Variants in ADCYAP1 observed in about 807,000 individuals in gnomAD.
ADCYAP1 encodes the protein pituitary adenylate cyclase-activating polypeptide.
In ADCYAP1, 6 loss-of-function variants were observed where a neutral mutation model predicts 18.5. That is an observed-to-expected ratio of 0.32 (90% CI 0.18 to 0.64). The LOEUF (loss-of-function observed/expected upper bound fraction) is 0.64. Among genes scored for constraint, ADCYAP1 ranks in the 30% least tolerant of loss-of-function variants. The pLI, the probability that ADCYAP1 is intolerant of heterozygous loss-of-function variation, is 0.77. For synonymous variants in ADCYAP1, 136 were observed against 113.9 expected, an observed-to-expected ratio of 1.19 and a Z score of -1.24; for missense variants, 314 against 253.6, an observed-to-expected ratio of 1.24 and a Z score of -1.62.
At chr18:909,419 C>G in intron 4 of ADCYAP1, 27 bp from the exon 5 acceptor site, 1 of 1,599,942 alleles carries the variant, frequency 6.3e-7, no homozygotes, top group Non-Finnish European at 8.5e-7. Flanking sequence ...CGCCCCGCCA[C>G]CCTCTTCCCG....
chr18:907,861 TG>T, intron 3 of ADCYAP1, 71 bp downstream of exon 3: 2 of 1,389,984 alleles, frequency 1.4e-6, no homozygotes, highest in South Asian at 3.3e-5. Context: ...AGGGGCAGTG[TG>T]GTGACCCACC....
chr18:907,675 T>C lies in ADCYAP1; in HGVS notation c.127T>C (p.Tyr43His), dbSNP rs752090490. ...FPGIRPEEEA[Y>H]GEDGNPLPDF... Reference sequence around the variant, plus strand: ...ACCCCGCAGGCCAGAGGAAGAGGCGTACGGCGAGGACGGAAACCCGCTGCC... The same window carrying C: ...ACCCCGCAGGCCAGAGGAAGAGGCGCACGGCGAGGACGGAAACCCGCTGCC... Residue 43 changes from tyrosine (Y) to histidine (H), a missense_variant, in exon 3 of 5, where the codon TAC (tyrosine) becomes CAC (histidine). Coordinates refer to ENST00000450565, the MANE Select transcript of ADCYAP1 (RefSeq NM_001099733.2). 3.2e-6 allele frequency: 5 copies of C among 1,576,896 alleles called. No individual in the cohort carries two copies. In the South Asian group the frequency reaches 3.4e-5, roughly 11 times the overall value.
chr18:905,135 G>T, intron 1 of ADCYAP1, 75 bp downstream of exon 1: 1 of 1,381,790 alleles, frequency 7.2e-7, no homozygotes, highest in South Asian at 1.5e-5. Context: ...TCGCGTCAGG[G>T]GAGTTAGCTT....
rs1335684028 is a variant in ADCYAP1 at position 909,518 on chromosome 18, G to T, written c.414G>T (p.Thr138=). ...LSKRHSDGIF[T]DSYSRYRKQM... is the part of the protein sequence containing the mutation. ...AGCGCCACTCGGACGGGATCTTCACGGACAGCTACAGCCGCTACCGGAAAC... is the reference window on the plus strand; with the variant it reads ...AGCGCCACTCGGACGGGATCTTCACTGACAGCTACAGCCGCTACCGGAAAC... The change falls in exon 5 of 5, where the codon ACG becomes ACT. Residue 138 remains threonine (T), a synonymous_variant. Coordinates refer to ENST00000450565, the MANE Select transcript of ADCYAP1 (RefSeq NM_001099733.2). 1 of 1,614,042 alleles carries T rather than the reference G, an allele frequency of 6.2e-7. No homozygotes were observed. The highest frequency in any genetic ancestry group is 1.1e-5 in the South Asian group (1 of 91,082).
rs1439804811 is a variant in ADCYAP1 at position 905,489 on chromosome 18, G to T, written c.103G>T (p.Gly35Trp). Residue 35 changes from glycine (G) to tryptophan (W), a missense_variant, in exon 2 of 5, where the codon GGG (glycine) becomes TGG (tryptophan). By Grantham distance (184) the Gly-to-Trp change is radical. Transcript: ENST00000450565. The part of the protein sequence containing the change: ...SPAAAGLRFP[G>W]IRPEEEAYGE... ...TGCCGCCGCCGGACTCCGGTTCCCC[G>T]GGATCAGGTAGGTGCTGGCTGCCTG... 1.1e-5 allele frequency: 17 copies of T among 1,606,946 alleles called. No individual in the cohort carries two copies. Among genetic ancestry groups the T allele is most frequent in the Admixed American group, 1.7e-5 (1 of 60,024 alleles).
chr18:908,029 G>A, intron 3 of ADCYAP1: 1 of 785,910 alleles, frequency 1.3e-6, no homozygotes, highest in Non-Finnish European at 1.9e-6. Context: ...GTGGCAGTGA[G>A]TGGCGTCAAG....
intron 2 of ADCYAP1, chr18:907,444 G>A: frequency 6.2e-6 from 3 of 483,568 alleles, no homozygotes; most frequent in Middle Eastern, 5.4e-4. Context: ...CCCGCGAAGG[G>A]GGGGTGGGCG....
chr18:908,392 G>T, intron 4 of ADCYAP1, 29 bp downstream of exon 4: 3 of 1,592,580 alleles, frequency 1.9e-6, no homozygotes, highest in Non-Finnish European at 2.6e-6. Flanking sequence ...ATTAACCTGC[G>T]CGCGCCGGGG....
Position 909,872 on chromosome 18 carries a change from GAATATATA to G in ADCYAP1, c.*238_*245del, listed in dbSNP as rs1221123411. ...GATATATATTATAAATATATATAAA[GAATATATA>G]TATATATATATATATATATATATAT... On this transcript the variant is annotated 3_prime_UTR_variant, in exon 5 of 5. Transcript: ENST00000450565. The G allele has an allele frequency of 1.9e-5, 1 of 53,926 alleles. No homozygotes were observed. The highest frequency in any genetic ancestry group is 3.2e-5 in the Non-Finnish European group (1 of 31,034). 3.3% of individuals were successfully genotyped at this position (53,926 alleles called of 1,614,324 possible).
chr18:909,873 AATAT>A lies in ADCYAP1; in HGVS notation c.*268_*271del, dbSNP rs35018620. 0.084 allele frequency: 11,988 copies of A among 143,158 alleles called. 510 individuals are homozygous for A. The highest frequency in any genetic ancestry group is 0.16 in the East Asian group (771 of 4,898). 8.9% of individuals were successfully genotyped at this position (143,158 alleles called of 1,614,324 possible). On this transcript the variant is annotated 3_prime_UTR_variant, in exon 5 of 5. Coordinates refer to ENST00000450565, the MANE Select transcript of ADCYAP1 (RefSeq NM_001099733.2). ...ATATATATTATAAATATATATAAAG[AATAT>A]ATATATATATATATATATATATATA...
At chr18:909,399 C>T (rs1405685730) in intron 4 of ADCYAP1, 47 bp from the exon 5 acceptor site, 2 of 1,571,898 alleles carry the variant, frequency 1.3e-6, no homozygotes, top group South Asian at 1.2e-5. Context: ...GCGATTGAAC[C>T]TGTGTCTCCC....
rs1909337156 is a variant in ADCYAP1 at position 910,137 on chromosome 18, A to AT, written c.*506dup. 6.6e-6 allele frequency: 1 copy of AT among 152,522 alleles called. No individual in the cohort carries two copies. The highest frequency in any genetic ancestry group is 2.4e-5 in the African/African-American group (1 of 41,490). The allele number at this position is 152,522 out of a possible 1,614,324, so 9.4% of individuals were successfully genotyped here. A position where few individuals can be genotyped will look rare whatever the true frequency, so the allele number is the denominator to read the frequency against. On this transcript the variant is annotated 3_prime_UTR_variant, in exon 5 of 5. Coordinates refer to ENST00000450565, the MANE Select transcript of ADCYAP1 (RefSeq NM_001099733.2). ...AACAATGATGCCCTGCTCCAGGGAG[A>AT]TTTTGAGGTAAAGATATGGAGAATT...
rs1014738024 is a variant in ADCYAP1, at chr18:911,319, A to G, written c.*1684A>G. On this transcript the variant is annotated 3_prime_UTR_variant, in exon 5 of 5. Transcript: ENST00000450565. ...GAACCTTCACCCAGCAATCAGATCG[A>G]GCAGCAACAGACAAACCAGCCAGCC... is the stretch of plus-strand genomic sequence containing the variant. 7 of 151,974 alleles carry G rather than the reference A, an allele frequency of 4.6e-5. No homozygotes were observed. The highest frequency in any genetic ancestry group is 2.1e-4 in the South Asian group (1 of 4,822). 9.4% of individuals were successfully genotyped at this position (151,974 alleles called of 1,614,324 possible). A position where few individuals can be genotyped will look rare whatever the true frequency, so the allele number is the denominator to read the frequency against.
chr18:908,049 C>A (rs1909244871), intron 3 of ADCYAP1: 3 of 702,338 alleles, frequency 4.3e-6, no homozygotes, highest in Non-Finnish European at 6.8e-6. Flanking sequence ...GGAACCCACA[C>A]TCCGCATCTG....
chr18:905,622 G>A (rs1172391795), intron 2 of ADCYAP1, 126 bp downstream of exon 2: 7 of 1,105,704 alleles, frequency 6.3e-6, no homozygotes, highest in African/African-American at 3.2e-5. Flanking sequence ...CCCCCGGTGC[G>A]CCTCCGCCAG....
At position 910,869 on chromosome 18, in the gene ADCYAP1, T is replaced by C. The variant is rs1051858577; in HGVS notation, c.*1234T>C. 1 of 134,542 alleles carries C rather than the reference T, an allele frequency of 7.4e-6. No homozygotes were observed. The highest frequency in any genetic ancestry group is 2.8e-5 in the African/African-American group (1 of 35,278). The allele number at this position is 134,542 out of a possible 1,614,324, so 8.3% of individuals were successfully genotyped here. A position where few individuals can be genotyped will look rare whatever the true frequency, so the allele number is the denominator to read the frequency against. On this transcript the variant is annotated 3_prime_UTR_variant, in exon 5 of 5. Transcript: ENST00000450565. ...CATTCACTTCTCTTAAACTTGTGAA[T>C]GCTTCTCACTTTTTTTTTTTGTTTG... is the stretch of plus-strand genomic sequence containing the variant.
In ADCYAP1 at chr18:911,013, T is replaced by C. The variant is rs1909368391; in HGVS notation, c.*1378T>C. 6.6e-6 allele frequency: 1 copy of C among 152,250 alleles called. No individual in the cohort carries two copies. Among genetic ancestry groups the C allele is most frequent in the Non-Finnish European group, 1.5e-5 (1 of 68,050 alleles). The allele number at this position is 152,250 out of a possible 1,614,324, so 9.4% of individuals were successfully genotyped here. A position where few individuals can be genotyped will look rare whatever the true frequency, so the allele number is the denominator to read the frequency against. On this transcript the variant is annotated 3_prime_UTR_variant, in exon 5 of 5. Transcript: ENST00000450565. ...AGTTTGTAGGTAAAATGTATTTTTC[T>C]ACATTATTGCTTATTGCTTAGTAAA...
rs1488901996 is a variant in ADCYAP1, at chr18:904,876, A to G, written c.-186A>G. 1 of 1,287,954 alleles carries G rather than the reference A, an allele frequency of 7.8e-7. No individual in the cohort carries two copies. The highest frequency in any genetic ancestry group is 1.0e-6 in the Non-Finnish European group (1 of 987,694). 79.8% of individuals were successfully genotyped at this position (1,287,954 alleles called of 1,614,324 possible). On this transcript the variant is annotated 5_prime_UTR_variant, in exon 1 of 5. Transcript: ENST00000450565. ...GCGTCTACAAACTTTTGAGCAGAAC[A>G]CGAGCCTCGGCAAACGAGTCCCGCA...
Position 905,441 on chromosome 18 carries a change from C to T in ADCYAP1, c.55C>T (p.His19Tyr). ...CCTGCTGGTCTATGGGATAATCATGCACAGCAGCGTCTACAGCTCACCTGC... is the reference window on the plus strand; with the variant it reads ...CCTGCTGGTCTATGGGATAATCATGTACAGCAGCGTCTACAGCTCACCTGC... ...LALLVYGIIM[H>Y]SSVYSSPAAA... Residue 19 changes from histidine (H) to tyrosine (Y), a missense_variant, in exon 2 of 5, where the codon CAC (histidine) becomes TAC (tyrosine). Physicochemically the swap from His to Tyr is moderately conservative, Grantham distance 83 (BLOSUM62 2). Coordinates refer to ENST00000450565, the MANE Select transcript of ADCYAP1 (RefSeq NM_001099733.2). 1 of 1,612,328 alleles carries T rather than the reference C, an allele frequency of 6.2e-7. No homozygotes were observed.
Sources: gnomAD v4.1 joint callset for allele counts on GRCh38, gnomAD v4.1.1 for gene constraint, MANE v1.5 for transcripts, NCBI Gene and HGNC (gene_info 2026-07-23, HGNC 2026-07-21) for gene names.